Variants in MIX23 observed in about 807,000 individuals in gnomAD.
MIX23 encodes protein MIX23.
MIX23 carries 13 observed loss-of-function variants against 21.6 expected under a neutral mutation model. The ratio of observed to expected loss-of-function variants is 0.60; its 90% CI spans 0.39 to 0.96. MIX23 has a LOEUF of 0.96. Among genes scored for constraint, MIX23 ranks in the 40% least tolerant of loss-of-function variants. The pLI is 0.00. For missense variants in MIX23, 144 were observed against 171.2 expected (o/e 0.84, Z 0.89); for synonymous variants, 59 against 58.0 (o/e 1.02, Z -0.08).
At position 122,376,166 on chromosome 3, in the gene MIX23, C is replaced by CAAAAAAAAA. The variant is rs1158747986; in HGVS notation, c.52-4375_52-4367dup. Among the ~76,000 whole-genome samples the CAAAAAAAAA allele has an allele frequency of 4.7e-5, 3 of 64,472 alleles. 1 individual carries two copies. Among genetic ancestry groups the CAAAAAAAAA allele is most frequent in the African/African-American group, 1.3e-4 (2 of 15,448 alleles). 42.3% of individuals were successfully genotyped at this position (64,472 alleles called of 152,430 possible). On this transcript the variant is annotated intron_variant, in intron 1 of 4. Transcript: ENST00000291458. ...TGGGCAGCAGAGAGAGACTCCGTCT[C>CAAAAAAAAA]AAAAAAAAAAAAAAAAAAAAAAAGA...
intron 1 of MIX23, among the ~76,000 whole-genome samples, chr3:122,381,895 T>C (rs914974658): frequency 1.3e-5 from 2 of 152,158 alleles, no homozygotes; most frequent in Non-Finnish European, 2.9e-5. Flanking sequence ...GGCACTCTTT[T>C]TCCCCCCTTA....
intron 1 of MIX23, among the ~76,000 whole-genome samples, chr3:122,382,090 C>A (rs1259958906): frequency 6.6e-6 from 1 of 152,324 alleles, no homozygotes; most frequent in East Asian, 1.9e-4. Flanking sequence ...GGATTCTAGG[C>A]ACTCGATTTT....
intron 1 of MIX23, among the ~76,000 whole-genome samples, chr3:122,378,184 AGAC>A (rs1028644660): frequency 2.6e-5 from 4 of 152,254 alleles, no homozygotes; most frequent in African/African-American, 9.6e-5. Flanking sequence ...AAGATCAGTT[AGAC>A]GACTGCAGCA....
At chr3:122,378,978 C>T (rs964276647) in intron 1 of MIX23, among the ~76,000 whole-genome samples, 1 of 152,192 alleles carries the variant, frequency 6.6e-6, no homozygotes, top group African/African-American at 2.4e-5. Context: ...AAAACATTCC[C>T]ACCATCACAG....
rs1016378551 is a variant in MIX23 at position 122,368,280 on chromosome 3, A to G, written c.220T>C (p.Cys74Arg). Residue 74 changes from cysteine (C) to arginine (R), a missense_variant, in exon 3 of 5, where the codon TGT (cysteine) becomes CGT (arginine). Transcript: ENST00000291458. ...HASRDRVIKN[C>R]IAQTSAVVKN... ...ACTACTGCTGAAGTCTGGGCTATAC[A>G]GTTTTTTATGACTCTGTCTCTACTG... 11 of 1,608,538 alleles carry G rather than the reference A, an allele frequency of 6.8e-6. No homozygotes were observed. In the Admixed American group the frequency reaches 1.0e-4, roughly 15 times the overall value.
chr3:122,376,455 TA>T (rs372856897), intron 1 of MIX23, among the ~76,000 whole-genome samples: 1 of 151,742 alleles, frequency 6.6e-6, no homozygotes, highest in African/African-American at 2.4e-5. Flanking sequence ...CCATCTCTAC[TA>T]AAAATACAAA....
At chr3:122,377,911 G>C (rs2075500592) in intron 1 of MIX23, among the ~76,000 whole-genome samples, 1 of 152,122 alleles carries the variant, frequency 6.6e-6, no homozygotes. Flanking sequence ...GGAAATCAAG[G>C]GTGACCTTAA....
Position 122,368,230 on chromosome 3 carries a change from T to C in MIX23, c.270A>G (p.Glu90=), listed in dbSNP as rs769379856. The C allele has an allele frequency of 6.2e-7, 1 of 1,610,346 alleles. No individual in the cohort carries two copies. Among genetic ancestry groups the C allele is most frequent in the East Asian group, 2.2e-5 (1 of 44,850 alleles). ...ATAACGTTAAATCGTCCAAATTCTT[T>C]TCTCTCTCTTCTCGGAGGTTTTTTA... ...AVVKNLREER[E]KNLDDLTLLK... Residue 90 remains glutamate (E), a synonymous_variant, in exon 3 of 5, where the codon GAA becomes GAG. Transcript: ENST00000291458.
Position 122,359,751 on chromosome 3 carries a change from T to TA in MIX23, c.*117_*118insT. ...CTGAAATCAACAAAAGGTCTTGGAC[T>TA]GTTGGCTCAGAAATCATCCTAGAAA... On this transcript the variant is annotated 3_prime_UTR_variant, in exon 5 of 5. Transcript: ENST00000291458. 1 of 1,051,134 alleles carries TA rather than the reference T, an allele frequency of 9.5e-7. No homozygotes were observed. Among genetic ancestry groups the TA allele is most frequent in the Non-Finnish European group, 1.3e-6 (1 of 777,396 alleles). 65.1% of individuals were successfully genotyped at this position (1,051,134 alleles called of 1,614,324 possible).
chr3:122,360,009 C>T (rs2075346468), intron 4 of MIX23, 90 bp from the exon 5 acceptor site: 1 of 1,254,576 alleles, frequency 8.0e-7, no homozygotes, highest in Non-Finnish European at 1.1e-6. Context: ...CTCCAAAAGG[C>T]TATTACCATT....
At chr3:122,372,418 A>G (rs2075448566) in intron 1 of MIX23, among the ~76,000 whole-genome samples, 1 of 150,786 alleles carries the variant, frequency 6.6e-6, no homozygotes, top group African/African-American at 2.4e-5. Context: ...CTCTGGGAGA[A>G]GTTTCTGGCA....
At chr3:122,368,488 T>A (rs775126898) in intron 2 of MIX23, among the ~76,000 whole-genome samples, 166 bp from the exon 3 acceptor site, 1 of 152,208 alleles carries the variant, frequency 6.6e-6, no homozygotes, top group Non-Finnish European at 1.5e-5. Context: ...AGCTACCTCA[T>A]CTAAAAACAT....
chr3:122,372,520 T>C (rs943698716), intron 1 of MIX23, among the ~76,000 whole-genome samples: 1 of 152,036 alleles, frequency 6.6e-6, no homozygotes, highest in Non-Finnish European at 1.5e-5. Context: ...ACACAGCCAC[T>C]TAAAAAGCAT....
chr3:122,368,203 T>C lies in MIX23; in HGVS notation c.297A>G (p.Leu99=). The change falls in exon 3 of 5, where the codon TTA becomes TTG. Residue 99 remains leucine (L), a synonymous_variant. Transcript: ENST00000291458. ...REKNLDDLTL[L]KQLRKEQTKL... ...TTGTCTGCTCTTTTCTAAGTTGTTT[T>C]AATAACGTTAAATCGTCCAAATTCT... 1.2e-6 allele frequency: 2 copies of C among 1,610,516 alleles called. 1 individual carries two copies. Among genetic ancestry groups the C allele is most frequent in the South Asian group, 2.2e-5 (2 of 90,970 alleles).
rs1279450224 is a variant in MIX23, at chr3:122,376,493, C to A, written c.52-4693G>T. ...AAATAGCTGGGTGTGGTGGTAGGTG[C>A]CTGTAATCCTAACTATTTGGGACTC... On this transcript the variant is annotated intron_variant, in intron 1 of 4. Transcript: ENST00000291458. Among the ~76,000 whole-genome samples, 4 of 152,026 alleles carry A rather than the reference C, an allele frequency of 2.6e-5. No homozygotes were observed. The East Asian group carries it at 7.7e-4, about 29-fold the overall frequency.
intron 4 of MIX23, among the ~76,000 whole-genome samples, chr3:122,361,033 C>T (rs2075354548): frequency 6.6e-6 from 1 of 151,962 alleles, no homozygotes; most frequent in Non-Finnish European, 1.5e-5. Context: ...TTAGTAGAGA[C>T]GGGGTTTCAC....
In MIX23 at chr3:122,374,887, C is replaced by T. The variant is rs964339793; in HGVS notation, c.52-3087G>A. Among the ~76,000 whole-genome samples the T allele has an allele frequency of 5.3e-5, 8 of 152,262 alleles. No individual in the cohort carries two copies. The East Asian group carries it at 1.5e-3, about 29-fold the overall frequency. ...AGAGTGACTGAGTGGTGCTTGGGGG[C>T]TACTTCAGATAGACATCAAAAAAGG... On this transcript the variant is annotated intron_variant, in intron 1 of 4. Coordinates refer to ENST00000291458, the MANE Select transcript of MIX23 (RefSeq NM_001017928.4).
At chr3:122,376,838 G>T (rs992241736) in intron 1 of MIX23, among the ~76,000 whole-genome samples, 1 of 152,094 alleles carries the variant, frequency 6.6e-6, no homozygotes. Context: ...GAAGGTGGGG[G>T]GTGAAAAATT....
At chr3:122,366,177 CA>C (rs869164599) in intron 3 of MIX23, among the ~76,000 whole-genome samples, 1 of 129,632 alleles carries the variant, frequency 7.7e-6, no homozygotes, top group Non-Finnish European at 1.6e-5. Context: ...GACTCCATCT[CA>C]AAAATAAATA....
Sources: allele counts gnomAD v4.1 joint callset (sites outside exome capture counted in the v4.1 genomes callset), GRCh38; gene constraint gnomAD v4.1.1; transcripts MANE v1.5; gene names NCBI Gene and HGNC (gene_info 2026-07-23, HGNC 2026-07-21).